BBS9: variants seen among roughly 807,000 people sequenced by gnomAD.
The protein encoded by BBS9 is protein PTHB1.
A neutral mutation model predicts 117.7 loss-of-function variants in BBS9; 89 were observed. The ratio of observed to expected loss-of-function variants is 0.76; its 90% CI spans 0.64 to 0.90. The LOEUF is 0.90. Ranked by LOEUF, BBS9 falls within the 40% of genes least tolerant of loss-of-function variation. The probability of loss-of-function intolerance (pLI) is 0.00; values close to 1 mark genes in which losing one functional copy is unlikely to be tolerated. For synonymous variants in BBS9, 379 were observed against 370.9 expected (o/e 1.02, Z -0.25); for missense variants, 982 against 1,042.2 (o/e 0.94, Z 0.80).
chr7:33,395,013 A>G (rs938479471), intron 19 of BBS9, among the ~76,000 whole-genome samples: 5 of 152,196 alleles, frequency 3.3e-5, no homozygotes, highest in Non-Finnish European at 5.9e-5. Context: ...AATCATTGTC[A>G]GGTGGGACAT....
At chr7:33,438,379 A>G (rs1423532582) in intron 19 of BBS9, among the ~76,000 whole-genome samples, 1 of 152,204 alleles carries the variant, frequency 6.6e-6, no homozygotes, top group Non-Finnish European at 1.5e-5. Context: ...AAAGGAAACC[A>G]GGTACAAAAT....
intron 19 of BBS9, among the ~76,000 whole-genome samples, chr7:33,411,019 T>G (rs921290501): frequency 1.4e-5 from 2 of 141,968 alleles, no homozygotes; most frequent in South Asian, 2.1e-4. Context: ...GTGTTTTTTT[T>G]TTTTTTTTTT....
chr7:33,339,106 T>C (rs942293518), intron 10 of BBS9, among the ~76,000 whole-genome samples: 1 of 152,204 alleles, frequency 6.6e-6, no homozygotes, highest in African/African-American at 2.4e-5. Flanking sequence ...GTTTCTTTCT[T>C]TCTCTTGCAA....
chr7:33,622,205 C>T (rs1328405987), intron 21 of BBS9, among the ~76,000 whole-genome samples: 5 of 151,244 alleles, frequency 3.3e-5, no homozygotes, highest in African/African-American at 7.3e-5. Flanking sequence ...GACTCAATCT[C>T]AAAAAATAAA....
chr7:33,227,242 G>A (rs1390852633), intron 5 of BBS9, among the ~76,000 whole-genome samples: 1 of 151,546 alleles, frequency 6.6e-6, no homozygotes, highest in Non-Finnish European at 1.5e-5. Context: ...CCGCCTTCCA[G>A]GTTCAAGTGA....
intron 20 of BBS9, among the ~76,000 whole-genome samples, chr7:33,530,432 G>A (rs1335269557): frequency 1.3e-5 from 2 of 152,178 alleles, no homozygotes; most frequent in Non-Finnish European, 2.9e-5. Context: ...ACAGTAGTTT[G>A]CTTAAATGAA....
At chr7:33,263,910 A>T (rs1250283045) in intron 6 of BBS9, among the ~76,000 whole-genome samples, 2 of 152,078 alleles carry the variant, frequency 1.3e-5, no homozygotes, top group African/African-American at 4.8e-5. Context: ...TAGATTATGT[A>T]TTGATAATTT....
chr7:33,581,031 C>G (rs1473841733), intron 21 of BBS9, among the ~76,000 whole-genome samples: 1 of 151,566 alleles, frequency 6.6e-6, no homozygotes, highest in African/African-American at 2.4e-5. Context: ...TCAGAGAAAG[C>G]CTTTGTCTAC....
intron 9 of BBS9, among the ~76,000 whole-genome samples, chr7:33,300,493 A>G (rs1806163734): frequency 6.6e-6 from 1 of 152,130 alleles, no homozygotes; most frequent in South Asian, 2.1e-4. Context: ...TTTTAATTTT[A>G]ATTTTAATTT....
intron 16 of BBS9, among the ~76,000 whole-genome samples, chr7:33,366,038 A>T (rs538611465): frequency 1.3e-5 from 2 of 152,196 alleles, no homozygotes; most frequent in Non-Finnish European, 2.9e-5. Context: ...ACATTCATGA[A>T]GTGACTGTGA....
chr7:33,367,916 A>G (rs1224536466), intron 17 of BBS9, 54 bp downstream of exon 17: 27 of 1,320,778 alleles, frequency 2.0e-5, no homozygotes, highest in Non-Finnish European at 2.8e-5. Flanking sequence ...AGGATACCAC[A>G]TCACAGAGGA....
chr7:33,275,846 G>A (rs1206420342), intron 9 of BBS9, among the ~76,000 whole-genome samples: 1 of 152,096 alleles, frequency 6.6e-6, no homozygotes, highest in African/African-American at 2.4e-5. Context: ...TGGTCTAGGT[G>A]CAACTTATGA....
At chr7:33,341,740 C>T (rs1045123571) in intron 11 of BBS9, among the ~76,000 whole-genome samples, 2 of 151,908 alleles carry the variant, frequency 1.3e-5, no homozygotes, top group African/African-American at 4.8e-5. Flanking sequence ...AATGGGTGCT[C>T]AATATATATT....
At chr7:33,315,337 C>G (rs1810252313) in intron 9 of BBS9, among the ~76,000 whole-genome samples, 2 of 152,140 alleles carry the variant, frequency 1.3e-5, no homozygotes, top group African/African-American at 2.4e-5. Context: ...TCACAAGGCT[C>G]TCTCCCCTGT....
chr7:33,537,752 C>T (rs1851679504), intron 21 of BBS9, among the ~76,000 whole-genome samples: 1 of 152,136 alleles, frequency 6.6e-6, no homozygotes, highest in African/African-American at 2.4e-5. Flanking sequence ...CAGGAGGCTT[C>T]CTTTTATAAC....
intron 19 of BBS9, among the ~76,000 whole-genome samples, chr7:33,434,517 G>C (rs1450153609): frequency 6.6e-6 from 1 of 152,070 alleles, no homozygotes; most frequent in East Asian, 1.9e-4. Context: ...GCTAGATCCT[G>C]TAGCTAAATA....
intron 21 of BBS9, among the ~76,000 whole-genome samples, chr7:33,546,126 G>C (rs1853319536): frequency 6.6e-6 from 1 of 151,480 alleles, no homozygotes; most frequent in South Asian, 2.1e-4. Context: ...GTAGAGACAG[G>C]GTTTCACTAT....
At chr7:33,383,034 C>G (rs1413383235) in intron 17 of BBS9, among the ~76,000 whole-genome samples, 1 of 152,166 alleles carries the variant, frequency 6.6e-6, no homozygotes, top group East Asian at 1.9e-4. Context: ...CTCTTACCAT[C>G]ATTGTCACCA....
chr7:33,520,526 T>G (rs1398920110), intron 20 of BBS9, among the ~76,000 whole-genome samples: 1 of 152,198 alleles, frequency 6.6e-6, no homozygotes, highest in African/African-American at 2.4e-5. Context: ...ATGAGGGAAC[T>G]GAGATACAGA....
Sources: gnomAD v4.1 joint callset for allele counts (sites outside exome capture counted in the v4.1 genomes callset) on GRCh38, gnomAD v4.1.1 for gene constraint, MANE v1.5 for transcripts, NCBI Gene and HGNC (gene_info 2026-07-23, HGNC 2026-07-21) for gene names.